Variants in ETV3L observed in about 807,000 individuals in gnomAD.
ETV3L encodes ETS variant transcription factor 3 like.
In ETV3L, 30 loss-of-function variants were observed where a neutral mutation model predicts 27.6. That is an observed-to-expected ratio of 1.09 (90% CI 0.81 to 1.48). ETV3L has a LOEUF of 1.48. ETV3L is among the 40% of genes most tolerant of loss of function. ETV3L has a pLI of 0.00. For synonymous variants in ETV3L, 186 were observed against 188.9 expected, an observed-to-expected ratio of 0.98 and a Z score of 0.12; for missense variants, 443 against 455.6, an observed-to-expected ratio of 0.97 and a Z score of 0.25.
chr1:157,096,085 C>G (rs1007158015), intron 4 of ETV3L, among the ~76,000 whole-genome samples: 4 of 152,054 alleles, frequency 2.6e-5, no homozygotes, highest in African/African-American at 9.7e-5. Flanking sequence ...ATTGCATGCA[C>G]TATTCTCTCG....
Position 157,099,248 on chromosome 1 carries a change from T to G in ETV3L, c.189A>C (p.Gly63=). Residue 63 remains glycine, a synonymous_variant, in exon 2 of 5, where the codon GGA becomes GGC. Transcript: ENST00000454449. ...EFRHVIAWQQ[G]EYGEFVIKDP... is the part of the protein sequence containing the mutation. ...CCTTGATGACAAATTCCCCGTACTCTCCCTGCTGCCAGGCGATGACATGGC... is the reference window on the plus strand; with the variant it reads ...CCTTGATGACAAATTCCCCGTACTCGCCCTGCTGCCAGGCGATGACATGGC... 6.2e-7 allele frequency: 1 copy of G among 1,613,940 alleles called. No individual in the cohort carries two copies. The highest frequency in any genetic ancestry group is 1.3e-5 in the African/African-American group (1 of 75,018).
At chr1:157,094,913 C>CAAA (rs34656748) in intron 4 of ETV3L, among the ~76,000 whole-genome samples, 3,698 of 85,142 alleles carry the variant, frequency 0.043, 154 homozygotes, top group South Asian at 0.069. Context: ...AACTCTGTCT[C>CAAA]AAAAAAAAAA....
intron 4 of ETV3L, 32 bp downstream of exon 4, chr1:157,097,836 C>A: frequency 1.2e-6 from 2 of 1,610,582 alleles, no homozygotes; most frequent in African/African-American, 1.3e-5. Flanking sequence ...TGGCTAAGAT[C>A]CCCCTGGGCC....
chr1:157,093,103 C>A lies in ETV3L; in HGVS notation c.632G>T (p.Cys211Phe), dbSNP rs766955598. ...CAAATGGCAGCAAAGGCCCAGCCGG[C>A]AGGGGCCTGGGGCAGAGCCAAGTCC... Reference protein sequence around the residue: ...VYRLGSAPGPCRLGLCCHLGS... With the variant: ...VYRLGSAPGPFRLGLCCHLGS... Residue 211 changes from cysteine (C) to phenylalanine (F), a missense_variant, in exon 5 of 5, where the codon TGC becomes TTC. Physicochemically the swap from Cys to Phe is radical, Grantham distance 205 (BLOSUM62 -2). Coordinates refer to ENST00000454449, the MANE Select transcript of ETV3L (RefSeq NM_001004341.2). The A allele has an allele frequency of 7.5e-6, 11 of 1,466,350 alleles. No homozygotes were observed. Among genetic ancestry groups the A allele is most frequent in the Admixed American group, 2.7e-5 (1 of 37,554 alleles). The allele number at this position is 1,466,350 out of a possible 1,614,324, so 90.8% of individuals were successfully genotyped here.
chr1:157,092,774 T>C lies in ETV3L; in HGVS notation c.961A>G (p.Lys321Glu). 6.2e-7 allele frequency: 1 copy of C among 1,614,150 alleles called. No homozygotes were observed. Among genetic ancestry groups the C allele is most frequent in the Non-Finnish European group, 8.5e-7 (1 of 1,180,014 alleles). The change falls in exon 5 of 5, where the codon AAG becomes GAG. Residue 321 changes from lysine to glutamate, a missense_variant. Coordinates refer to ENST00000454449, the MANE Select transcript of ETV3L (RefSeq NM_001004341.2). ...EVKPAPMMEA[K>E]GGLDPREVFC... ...ACCTCCCTGGGATCCAGGCCTCCCT[T>C]TGCCTCCATCATGGGAGCAGGCTTT...
At position 157,099,573 on chromosome 1, in the gene ETV3L, C is replaced by A. The variant is rs756373212; in HGVS notation, c.-50G>T. On this transcript the variant is annotated 5_prime_UTR_variant, in exon 1 of 5. Coordinates refer to ENST00000454449, the MANE Select transcript of ETV3L (RefSeq NM_001004341.2). ...TGTCTGGGCCTTGGGGAAATGGTCA[C>A]CACTTAAGAGGAAGGGAAGGAAGGA... 1.3e-6 allele frequency: 2 copies of A among 1,534,380 alleles called. No individual in the cohort carries two copies. Among genetic ancestry groups the A allele is most frequent in the Non-Finnish European group, 1.8e-6 (2 of 1,124,572 alleles).
chr1:157,094,713 G>C (rs1674187559), intron 4 of ETV3L, among the ~76,000 whole-genome samples: 1 of 152,072 alleles, frequency 6.6e-6, no homozygotes, highest in Non-Finnish European at 1.5e-5. Context: ...AGGAGTTCGA[G>C]ACCAGCCTGA....
At chr1:157,097,405 A>G (rs1674248943) in intron 4 of ETV3L, among the ~76,000 whole-genome samples, 1 of 146,942 alleles carries the variant, frequency 6.8e-6, no homozygotes, top group African/African-American at 2.6e-5. Flanking sequence ...CCTGGGAGGC[A>G]GAGGCTGCAG....
rs1674283714 is a variant in ETV3L, at chr1:157,098,845, G to A, written c.347C>T (p.Thr116Ile). The A allele has an allele frequency of 1.2e-6, 2 of 1,614,124 alleles. No individual in the cohort carries two copies. The highest frequency in any genetic ancestry group is 4.5e-5 in the East Asian group (2 of 44,888). ...ILHKTKGKRF[T>I]YKFNFSKLIV... ...GAGCTTGCTGAAGTTGAACTTGTAT[G>A]TGAACCTTTTGCCTTTGGTCTTATG... The change falls in exon 3 of 5, where the codon ACA becomes ATA. Residue 116 changes from threonine to isoleucine, a missense_variant. By Grantham distance (89) the Thr-to-Ile change is moderately conservative (BLOSUM62 -1). Transcript: ENST00000454449.
intron 4 of ETV3L, among the ~76,000 whole-genome samples, chr1:157,096,480 C>T (rs544990645): frequency 9.2e-5 from 14 of 152,296 alleles, no homozygotes; most frequent in South Asian, 6.2e-4. Flanking sequence ...CCCAATCTCT[C>T]TCCAGCTGAG....
chr1:157,093,915 A>G (rs1026975894), intron 4 of ETV3L, among the ~76,000 whole-genome samples: 3 of 152,120 alleles, frequency 2.0e-5, no homozygotes, highest in Admixed American at 6.5e-5. Context: ...CTCTCCTCCA[A>G]GGGCACTCGG....
chr1:157,095,183 T>C (rs1674196735), intron 4 of ETV3L, among the ~76,000 whole-genome samples: 1 of 152,116 alleles, frequency 6.6e-6, no homozygotes, highest in Admixed American at 6.5e-5. Context: ...GTGGAAGAGA[T>C]ATTTTTATTT....
chr1:157,092,771 C>T lies in ETV3L; in HGVS notation c.964G>A (p.Gly322Arg). 1 of 1,614,204 alleles carries T rather than the reference C, an allele frequency of 6.2e-7. No homozygotes were observed. The highest frequency in any genetic ancestry group is 8.5e-7 in the Non-Finnish European group (1 of 1,180,032). The change falls in exon 5 of 5, where the codon GGA becomes AGA. Residue 322 changes from glycine to arginine, a missense_variant. By Grantham distance (125) the Gly-to-Arg change is moderately radical. Coordinates refer to ENST00000454449, the MANE Select transcript of ETV3L (RefSeq NM_001004341.2). ...AAGACCTCCCTGGGATCCAGGCCTC[C>T]CTTTGCCTCCATCATGGGAGCAGGC... ...VKPAPMMEAK[G>R]GLDPREVFCP...
rs189344641 is a variant in ETV3L at position 157,092,392 on chromosome 1, A to T, written c.*257T>A. On this transcript the variant is annotated 3_prime_UTR_variant, in exon 5 of 5. Coordinates refer to ENST00000454449, the MANE Select transcript of ETV3L (RefSeq NM_001004341.2). ...AACTTTATTCTCGTCTCCCTGAAGA[A>T]AAGTTGAGATTAGGAATGTCCCCTT... 12 of 441,922 alleles carry T rather than the reference A, an allele frequency of 2.7e-5. No homozygotes were observed. The highest frequency in any genetic ancestry group is 4.4e-5 in the Non-Finnish European group (11 of 250,742). 27.4% of individuals were successfully genotyped at this position (441,922 alleles called of 1,614,324 possible). A position where few individuals can be genotyped will look rare whatever the true frequency, so the allele number is the denominator to read the frequency against.
rs559093878 is a variant in ETV3L at position 157,097,198 on chromosome 1, T to C, written c.607+670A>G. ...TTTATAAATGCTATTTCTGACTGGG[T>C]GTGGTGTCTCACACCTGTAATCCCA... On this transcript the variant is annotated intron_variant, in intron 4 of 4. Coordinates refer to ENST00000454449, the MANE Select transcript of ETV3L (RefSeq NM_001004341.2). 4.6e-3 allele frequency among the ~76,000 whole-genome samples: 694 copies of C among 151,648 alleles called. 4 individuals carry two copies. The highest frequency in any genetic ancestry group is 5.7e-3 in the Non-Finnish European group (386 of 67,874).
Position 157,092,829 on chromosome 1 carries a change from G to T in ETV3L, c.906C>A (p.Leu302=), listed in dbSNP as rs149476710. Residue 302 remains leucine, a synonymous_variant, in exon 5 of 5, where the codon CTC becomes CTA. Transcript: ENST00000454449. ...LGQGAGERLW[L]LSLRPEGLEV... is the part of the protein sequence containing the mutation. ...CCAGCCCCTCGGGCCTGAGGGACAA[G>T]AGCCAAAGCCTCTCACCCGCACCCT... 6.2e-7 allele frequency: 1 copy of T among 1,614,032 alleles called. No homozygotes were observed. The highest frequency in any genetic ancestry group is 1.3e-5 in the African/African-American group (1 of 74,926).
chr1:157,098,689 G>A lies in ETV3L; in HGVS notation c.486+17C>T, dbSNP rs764832204. The A allele has an allele frequency of 1.9e-6, 3 of 1,553,982 alleles. No homozygotes were observed. The highest frequency in any genetic ancestry group is 2.5e-5 in the South Asian group (2 of 81,182). On this transcript the variant is annotated intron_variant, in intron 3 of 4. Transcript: ENST00000454449. ...GACCTGGTGGAGCCCTGAGACAGGG[G>A]CCACCTCCGCTCTTACCTCACTCTG...
chr1:157,096,512 C>T (rs551182998), intron 4 of ETV3L, among the ~76,000 whole-genome samples: 4 of 152,298 alleles, frequency 2.6e-5, no homozygotes, highest in East Asian at 3.9e-4. Context: ...ATCCCATGGC[C>T]GTTGTCTTGG....
chr1:157,099,109 C>G (rs1674288342), intron 2 of ETV3L, 32 bp downstream of exon 2: 1 of 1,611,316 alleles, frequency 6.2e-7, no homozygotes, highest in Non-Finnish European at 8.5e-7. Flanking sequence ...TGAAATCCCC[C>G]CTCTTTGGCC....
Sources: gnomAD v4.1 joint callset for allele counts (sites outside exome capture counted in the v4.1 genomes callset) on GRCh38, gnomAD v4.1.1 for gene constraint, MANE v1.5 for transcripts, NCBI Gene and HGNC (gene_info 2026-07-23, HGNC 2026-07-21) for gene names.